BUB1: variants seen among roughly 807,000 people sequenced by gnomAD.
BUB1 encodes the protein BUB1 mitotic checkpoint serine/threonine kinase, also known as mitotic checkpoint serine/threonine-protein kinase BUB1.
A neutral mutation model predicts 135.2 loss-of-function variants in BUB1; 84 were observed. That is an observed-to-expected ratio of 0.62 (90% CI 0.52 to 0.74). The LOEUF (loss-of-function observed/expected upper bound fraction) is 0.74, where lower values mean the gene tolerates loss of function less well. Ranked by LOEUF, BUB1 falls within the 30% of genes least tolerant of loss-of-function variation. The pLI is 0.00. For missense variants in BUB1, 1,162 were observed against 1,288.3 expected, an observed-to-expected ratio of 0.90 and a Z score of 1.50; for synonymous variants, 403 against 434.4, an observed-to-expected ratio of 0.93 and a Z score of 0.90.
At chr2:110,660,519 C>T (rs1454519783) in intron 10 of BUB1, among the ~76,000 whole-genome samples, 1 of 152,010 alleles carries the variant, frequency 6.6e-6, no homozygotes, top group East Asian at 1.9e-4. Context: ...TTAGGGTCTA[C>T]AGTGTTAGTA....
Position 110,637,712 on chromosome 2 carries a change from AGAATGCTCATGTCTGAATTATTC to A in BUB1, c.*229_*251del, listed in dbSNP as rs1455361941. The stretch of plus-strand genomic sequence containing the variant: ...TCAGTGTTTAAAAAGTGATTTCTAG[AGAATGCTCATGTCTGAATTATTC>A]TCACAAATGCTTGCATCCCAGAAGC... On this transcript the variant is annotated 3_prime_UTR_variant, in exon 25 of 25. Transcript: ENST00000302759. 1 of 309,570 alleles carries A rather than the reference AGAATGCTCATGTCTGAATTATTC, an allele frequency of 3.2e-6. No homozygotes were observed. The highest frequency in any genetic ancestry group is 5.8e-6 in the Non-Finnish European group (1 of 171,324). 19.2% of individuals were successfully genotyped at this position (309,570 alleles called of 1,614,324 possible). A position where few individuals can be genotyped will look rare whatever the true frequency, so the allele number is the denominator to read the frequency against.
At chr2:110,671,556 T>C (rs1453551973) in intron 4 of BUB1, among the ~76,000 whole-genome samples, 2 of 152,220 alleles carry the variant, frequency 1.3e-5, no homozygotes, top group African/African-American at 4.8e-5. Flanking sequence ...TCTCAAATTC[T>C]ACTAATGAGA....
chr2:110,677,456 A>G (rs1690621408), intron 1 of BUB1, among the ~76,000 whole-genome samples: 1 of 152,206 alleles, frequency 6.6e-6, no homozygotes, highest in Non-Finnish European at 1.5e-5. Context: ...AGGTTGGCAC[A>G]CATCACTCAA....
In BUB1 at chr2:110,644,743, G is replaced by A. The variant is rs369548471; in HGVS notation, c.2348-2509C>T. Among the ~76,000 whole-genome samples the A allele has an allele frequency of 2.0e-4, 31 of 152,244 alleles. No individual in the cohort carries two copies. The Middle Eastern group carries it at 0.014, about 67-fold the overall frequency. On this transcript the variant is annotated intron_variant, in intron 19 of 24. Coordinates refer to ENST00000302759, the MANE Select transcript of BUB1 (RefSeq NM_004336.5). ...CTCAGAAACCATGCAAGCAAGAAGA[G>A]AGTGGAGTGAAATATCTAAAGTACT... is the stretch of plus-strand genomic sequence containing the variant.
In BUB1 at chr2:110,659,988, C is replaced by G; in HGVS notation, c.1266G>C (p.Glu422Asp). 1 of 1,610,240 alleles carries G rather than the reference C, an allele frequency of 6.2e-7. No homozygotes were observed. The highest frequency in any genetic ancestry group is 8.5e-7 in the Non-Finnish European group (1 of 1,176,678). The stretch of plus-strand genomic sequence containing the variant: ...ATAATTAAACATTACCTTCTTTGAT[C>G]TCTGCTCCACTCTGTGGCTTGAATT... ...THEFKPQSGA[E>D]IKEGCETHKV... The change falls in exon 11 of 25, where the codon GAG becomes GAC. Residue 422 changes from glutamate to aspartate, a missense_variant. Physicochemically the swap from Glu to Asp is conservative, Grantham distance 45. Coordinates refer to ENST00000302759, the MANE Select transcript of BUB1 (RefSeq NM_004336.5).
intron 23 of BUB1, 141 bp from the exon 24 acceptor site, chr2:110,639,989 G>A (rs548390657): frequency 9.4e-6 from 7 of 741,428 alleles, no homozygotes; most frequent in Admixed American, 6.0e-5. Context: ...TTGTTCAATC[G>A]CCCCACTAAC....
intron 19 of BUB1, among the ~76,000 whole-genome samples, chr2:110,645,848 G>A (rs1002987980): frequency 6.6e-5 from 10 of 152,100 alleles, no homozygotes; most frequent in African/African-American, 2.4e-4. Flanking sequence ...TTACAGGTGT[G>A]AGTAACTGTG....
chr2:110,639,964 C>T (rs948625888), intron 23 of BUB1, 116 bp from the exon 24 acceptor site: 1 of 886,766 alleles, frequency 1.1e-6, no homozygotes, highest in Admixed American at 1.9e-5. Context: ...ACTTTTAAAA[C>T]ATTTTGGAAG....
At position 110,674,163 on chromosome 2, in the gene BUB1, C is replaced by T. The variant is rs143906507; in HGVS notation, c.148G>A (p.Glu50Lys). The T allele has an allele frequency of 1.9e-6, 3 of 1,588,538 alleles. No individual in the cohort carries two copies. In the African/African-American group the frequency reaches 4.0e-5, roughly 21 times the overall value. ...ENKEYLITLL[E>K]HLMKEFLDKK... ...TCTAAAAATTCCTTCATTAAATGTT[C>T]TAGTAAAGTTATCAAGTATTCTTTA... Residue 50 changes from glutamate (E) to lysine (K), a missense_variant, in exon 3 of 25, where the codon GAA becomes AAA. Transcript: ENST00000302759.
At chr2:110,658,579 CA>C in intron 12 of BUB1, 34 bp downstream of exon 12, 1 of 1,613,970 alleles carries the variant, frequency 6.2e-7, no homozygotes, top group Non-Finnish European at 8.5e-7. Context: ...ATTAACTTGT[CA>C]TCAGGTGCTA....
At position 110,672,686 on chromosome 2, in the gene BUB1, T is replaced by C. The variant is rs1183760785; in HGVS notation, c.397A>G (p.Arg133Gly). The change falls in exon 4 of 25, where the codon AGA (arginine) becomes GGA (glycine). Residue 133 changes from arginine to glycine, a missense_variant. Physicochemically the swap from Arg to Gly is moderately radical, Grantham distance 125. Transcript: ENST00000302759. ...CTGTATTGTTGTTGCAGGAACTCTCTGGGTTCAGCCTGGTTTTGAATTCCT... is the reference window on the plus strand; with the variant it reads ...CTGTATTGTTGTTGCAGGAACTCTCCGGGTTCAGCCTGGTTTTGAATTCCT... ...QRGIQNQAEP[R>G]EFLQQQYRLF... is the part of the protein sequence containing the mutation. 2.5e-6 allele frequency: 4 copies of C among 1,601,654 alleles called. No individual in the cohort carries two copies. The highest frequency in any genetic ancestry group is 3.4e-6 in the Non-Finnish European group (4 of 1,175,832).
intron 24 of BUB1, among the ~76,000 whole-genome samples, chr2:110,638,922 TTTTC>T (rs1689427398): frequency 6.6e-6 from 1 of 152,220 alleles, no homozygotes; most frequent in Non-Finnish European, 1.5e-5. Context: ...TTATTGCCAT[TTTTC>T]TTTTTTTTTT....
Position 110,666,251 on chromosome 2 carries a change from A to G in BUB1, c.957+12T>C, listed in dbSNP as rs1690252246. ...GCTGGGCACAGGATGTGTCATGAGGAGCACAACATACCTCGGACCTTTCCT... is the reference window on the plus strand; with the variant it reads ...GCTGGGCACAGGATGTGTCATGAGGGGCACAACATACCTCGGACCTTTCCT... On this transcript the variant is annotated intron_variant, in intron 9 of 24. Coordinates refer to ENST00000302759, the MANE Select transcript of BUB1 (RefSeq NM_004336.5). 1 of 1,365,760 alleles carries G rather than the reference A, an allele frequency of 7.3e-7. No individual in the cohort carries two copies. The allele number at this position is 1,365,760 out of a possible 1,614,324, so 84.6% of individuals were successfully genotyped here.
rs976013628 is a variant in BUB1, at chr2:110,641,892, G to T, written c.2464-89C>A. On this transcript the variant is annotated intron_variant, in intron 20 of 24. Coordinates refer to ENST00000302759, the MANE Select transcript of BUB1 (RefSeq NM_004336.5). ...CAACCTCTATCCCAATAAAAGATGTGGTGTTGATAGTGATGACAAGCTATG... is the reference window on the plus strand; with the variant it reads ...CAACCTCTATCCCAATAAAAGATGTTGTGTTGATAGTGATGACAAGCTATG... The T allele has an allele frequency of 1.3e-5, 18 of 1,383,662 alleles. No individual in the cohort carries two copies. In the Admixed American group the frequency reaches 3.8e-4, roughly 29 times the overall value. 85.7% of individuals were successfully genotyped at this position (1,383,662 alleles called of 1,614,324 possible).
At chr2:110,653,022 G>C (rs1210623724) in intron 17 of BUB1, among the ~76,000 whole-genome samples, 1 of 152,118 alleles carries the variant, frequency 6.6e-6, no homozygotes. Context: ...TTTCACTAAG[G>C]AACTTCTGCT....
rs1283924517 is a variant in BUB1, at chr2:110,669,469, C to T, written c.551G>A (p.Cys184Tyr). Reference sequence around the variant, plus strand: ...CATTATTACCTGATTCTTAGAAATGCAGGCCATGTTATTTCCTGGATTTGA... The same window carrying T: ...CATTATTACCTGATTCTTAGAAATGTAGGCCATGTTATTTCCTGGATTTGA... ...SKSNPGNNMA[C>Y]ISKNQGSELS... is the part of the protein sequence containing the mutation. Residue 184 changes from cysteine to tyrosine, a missense_variant, in exon 6 of 25, where the codon TGC (cysteine) becomes TAC (tyrosine). By Grantham distance (194) the Cys-to-Tyr change is radical. Coordinates refer to ENST00000302759, the MANE Select transcript of BUB1 (RefSeq NM_004336.5). 2.5e-6 allele frequency: 4 copies of T among 1,594,382 alleles called. No individual in the cohort carries two copies. The highest frequency in any genetic ancestry group is 1.3e-5 in the African/African-American group (1 of 74,554).
At chr2:110,642,371 A>G in intron 19 of BUB1, 137 bp from the exon 20 acceptor site, 1 of 522,870 alleles carries the variant, frequency 1.9e-6, no homozygotes, top group Non-Finnish European at 3.4e-6. Flanking sequence ...CTCTTACATA[A>G]CCATGGTATA....
intron 19 of BUB1, among the ~76,000 whole-genome samples, chr2:110,645,765 A>G (rs182152507): frequency 6.6e-6 from 1 of 152,166 alleles, no homozygotes; most frequent in Non-Finnish European, 1.5e-5. Flanking sequence ...ACAAGGCCTC[A>G]ATGCATTGTC....
intron 4 of BUB1, 68 bp downstream of exon 4, chr2:110,672,593 C>T: frequency 6.8e-7 from 1 of 1,467,836 alleles, no homozygotes; most frequent in Non-Finnish European, 9.2e-7. Context: ...GCTAATGATA[C>T]AATTTTTAAC....
Sources: gnomAD v4.1 joint callset for allele counts (sites outside exome capture counted in the v4.1 genomes callset) on GRCh38, gnomAD v4.1.1 for gene constraint, MANE v1.5 for transcripts, NCBI Gene and HGNC (gene_info 2026-07-23, HGNC 2026-07-21) for gene names.